ROBO4: variants seen among roughly 807,000 people sequenced by gnomAD.
The protein encoded by ROBO4 is roundabout guidance receptor 4, also known as roundabout homolog 4.
A neutral mutation model predicts 103.3 loss-of-function variants in ROBO4; 80 were observed. The ratio of observed to expected loss-of-function variants is 0.77; its 90% confidence interval spans 0.65 to 0.93. The LOEUF is 0.93. Among genes scored for constraint, ROBO4 ranks in the 40% least tolerant of loss-of-function variants. The pLI is 0.00. For synonymous variants in ROBO4, 504 were observed against 529.7 expected (o/e 0.95, Z 0.67); for missense variants, 1,333 against 1,305.3 (o/e 1.02, Z -0.33).
intron 10 of ROBO4, 115 bp downstream of exon 10, chr11:124,893,573 T>C: frequency 1.1e-6 from 1 of 894,120 alleles, no homozygotes; most frequent in Non-Finnish European, 1.9e-6. Flanking sequence ...GAGAGATTCA[T>C]GTACGACAGT....
At chr11:124,890,595 T>G (rs1288741051) in intron 12 of ROBO4, among the ~76,000 whole-genome samples, 1 of 152,220 alleles carries the variant, frequency 6.6e-6, no homozygotes, top group Non-Finnish European at 1.5e-5. Flanking sequence ...CCTCTTCCTG[T>G]CTGTAAAATT....
rs1455964069 is a variant in ROBO4 at position 124,894,374 on chromosome 11, G to C, written c.1150-5C>G. ...TGTGTTGCCCAGGCTCCAGACCTGAGGCACAAGCAGAGGTGAACAGCTTCC... is the reference window on the plus strand; with the variant it reads ...TGTGTTGCCCAGGCTCCAGACCTGACGCACAAGCAGAGGTGAACAGCTTCC... On this transcript the variant is annotated splice_region_variant and splice_polypyrimidine_tract_variant and intron_variant, in intron 7 of 17. Coordinates refer to ENST00000306534, the MANE Select transcript of ROBO4 (RefSeq NM_019055.6). The C allele has an allele frequency of 4.3e-6, 7 of 1,609,380 alleles. No homozygotes were observed. The highest frequency in any genetic ancestry group is 5.1e-6 in the Non-Finnish European group (6 of 1,178,474).
chr11:124,892,375 A>G (rs147133067), intron 10 of ROBO4: 6 of 258,418 alleles, frequency 2.3e-5, no homozygotes, highest in East Asian at 9.7e-5. Flanking sequence ...AAGACCTTCA[A>G]TGGCCCCTCA....
chr11:124,887,755 G>A lies in ROBO4; in HGVS notation c.2034C>T (p.Ser678=), dbSNP rs1946739468. The change falls in exon 13 of 18, where the codon TCC becomes TCT. Residue 678 remains serine, a synonymous_variant. Coordinates refer to ENST00000306534, the MANE Select transcript of ROBO4 (RefSeq NM_019055.6). ...LRACELGNRG[S]KNLSQSPGAV... ...CACCTGGGCTTTGGGAAAGGTTCTT[G>A]GAACCTCTATTTCCTAACTCACAGG... The A allele has an allele frequency of 1.9e-6, 3 of 1,613,998 alleles. No homozygotes were observed. The highest frequency in any genetic ancestry group is 2.2e-5 in the East Asian group (1 of 44,880).
intron 10 of ROBO4, chr11:124,892,450 C>G (rs1462070245): frequency 1.4e-5 from 3 of 211,640 alleles, no homozygotes; most frequent in East Asian, 1.2e-4. Flanking sequence ...TGGCTTCCAG[C>G]TCCCTAACTA....
In ROBO4 at chr11:124,891,760, A is replaced by G. The variant is rs1257657169; in HGVS notation, c.1590T>C (p.Arg530=). 6.2e-7 allele frequency: 1 copy of G among 1,614,178 alleles called. No homozygotes were observed. The highest frequency in any genetic ancestry group is 8.5e-7 in the Non-Finnish European group (1 of 1,180,020). The change falls in exon 11 of 18, where the codon CGT becomes CGC. Residue 530 remains arginine (R), a synonymous_variant. Coordinates refer to ENST00000306534, the MANE Select transcript of ROBO4 (RefSeq NM_019055.6). ...SDSQWLADTW[R]STSGSRDLSS... Reference sequence around the variant, plus strand: ...TCAGGTCCCGAGAGCCAGAGGTGGAACGCCAAGTGTCTGCCAACCACTGGG... The same window carrying G: ...TCAGGTCCCGAGAGCCAGAGGTGGAGCGCCAAGTGTCTGCCAACCACTGGG...
intron 4 of ROBO4, 131 bp downstream of exon 4, chr11:124,896,067 C>A: frequency 6.6e-7 from 1 of 1,520,152 alleles, no homozygotes; most frequent in Non-Finnish European, 8.9e-7. Flanking sequence ...CAGGGGGGAA[C>A]CTCCCGCTAC....
At chr11:124,895,263 G>T in intron 6 of ROBO4, 70 bp from the exon 7 acceptor site, 1 of 1,320,864 alleles carries the variant, frequency 7.6e-7, no homozygotes, top group Non-Finnish European at 1.1e-6. Flanking sequence ...GCTGGGCTGG[G>T]GGACACAGCG....
In ROBO4 at chr11:124,891,711, G is replaced by A. The variant is rs145116773; in HGVS notation, c.1639C>T (p.Arg547Trp). 442 of 1,614,122 alleles carry A rather than the reference G, an allele frequency of 2.7e-4. 1 individual carries two copies. In the East Asian group the frequency reaches 8.4e-3, roughly 31 times the overall value. ...GGGTCCCGGGCATCCGCCCCCAGCC[G>A]ACTGCTGAGGCTGCTGCTGCTGCTC... ...DLSSSSSLSSRLGADARDPLD... is the reference protein window; with the variant it reads ...DLSSSSSLSSWLGADARDPLD... The change falls in exon 11 of 18, where the codon CGG becomes TGG. Residue 547 changes from arginine to tryptophan, a missense_variant. Transcript: ENST00000306534.
intron 13 of ROBO4, 103 bp downstream of exon 13, chr11:124,887,630 G>T: frequency 1.3e-6 from 2 of 1,526,156 alleles, no homozygotes; most frequent in East Asian, 2.3e-5. Flanking sequence ...AGCCTCCTCA[G>T]GGAAAGGAGG....
chr11:124,891,857 C>G (rs998589616), intron 10 of ROBO4, 55 bp from the exon 11 acceptor site: 12 of 1,600,332 alleles, frequency 7.5e-6, no homozygotes, highest in African/African-American at 1.3e-5. Context: ...AAGTGAGAAC[C>G]TTTTTGGCCA....
chr11:124,896,438 G>A (rs949273679), intron 3 of ROBO4, 75 bp downstream of exon 3: 4 of 1,589,022 alleles, frequency 2.5e-6, no homozygotes, highest in East Asian at 2.2e-5. Context: ...GGGGCTGGAC[G>A]GCAGGTCAGT....
Position 124,891,521 on chromosome 11 carries a change from G to T in ROBO4, c.1726C>A (p.Pro576Thr). 6.2e-7 allele frequency: 1 copy of T among 1,614,196 alleles called. No individual in the cohort carries two copies. Among genetic ancestry groups the T allele is most frequent in the Middle Eastern group, 1.6e-4 (1 of 6,062 alleles). ...GAGCCATAAAAAGTGCTGGTGTCTG[G>T]AAGCAGGGGCACGCCGGGGCTTCGG... ...DSRSPGVPLL[P>T]DTSTFYGSLI... is the part of the protein sequence containing the mutation. Residue 576 changes from proline to threonine, a missense_variant, in exon 12 of 18, where the codon CCA (proline) becomes ACA (threonine). By Grantham distance (38) the Pro-to-Thr change is conservative (BLOSUM62 -1). Transcript: ENST00000306534.
Position 124,895,181 on chromosome 11 carries a change from GGGGCACT to G in ROBO4, c.1042_1048del (p.Ser348HisfsTer5). The G allele has an allele frequency of 1.2e-6, 2 of 1,613,744 alleles. No individual in the cohort carries two copies. The highest frequency in any genetic ancestry group is 2.2e-5 in the South Asian group (2 of 91,054). On this transcript the variant is annotated frameshift_variant, in exon 7 of 18. Transcript: ENST00000306534. LOFTEE classifies it high-confidence loss of function. Reference sequence around the variant, plus strand: ...AGGCTTTAGAGTCACTTCCTGAGGTGGGGCACTGGGCACTGGAGGGGTGGAAGAGAGA... The same window carrying G: ...AGGCTTTAGAGTCACTTCCTGAGGTGGGGCACTGGAGGGGTGGAAGAGAGA...
Position 124,896,262 on chromosome 11 carries a change from G to A in ROBO4, c.615C>T (p.Tyr205=), listed in dbSNP as rs774013906. 6.2e-7 allele frequency: 1 copy of A among 1,614,132 alleles called. No individual in the cohort carries two copies. The highest frequency in any genetic ancestry group is 8.5e-7 in the Non-Finnish European group (1 of 1,180,028). Residue 205 remains tyrosine (Y), a synonymous_variant, in exon 4 of 18, where the codon TAC becomes TAT. Transcript: ENST00000306534. ...ARAEKSDEGT[Y]MCVATNSAGH... is the part of the protein sequence containing the mutation. ...CTGCGCTGTTGGTGGCCACACACAT[G>A]TAGGTCCCTTCGTCACTCTTCTCTG...
chr11:124,886,874 G>A (rs1946722806), intron 15 of ROBO4, 52 bp from the exon 16 acceptor site: 7 of 1,530,104 alleles, frequency 4.6e-6, no homozygotes, highest in Non-Finnish European at 6.2e-6. Context: ...AATGAGGGTT[G>A]TAGTAACAGA....
At position 124,891,154 on chromosome 11, in the gene ROBO4, T is replaced by A. The variant is rs911394962; in HGVS notation, c.1948+145A>T. On this transcript the variant is annotated intron_variant, in intron 12 of 17. Coordinates refer to ENST00000306534, the MANE Select transcript of ROBO4 (RefSeq NM_019055.6). ...GTGCTCTGGTGGTAGGAGAAAGAGG[T>A]CTTGTGTCCACCTGGAGAGGAGAAT... The A allele has an allele frequency of 1.7e-5, 15 of 902,232 alleles. No homozygotes were observed. The Admixed American group carries it at 4.0e-4, about 24-fold the overall frequency. The allele number at this position is 902,232 out of a possible 1,614,324, so 55.9% of individuals were successfully genotyped here.
intron 11 of ROBO4, 39 bp downstream of exon 11, chr11:124,891,626 TG>T: frequency 6.2e-7 from 1 of 1,614,172 alleles, no homozygotes; most frequent in Non-Finnish European, 8.5e-7. Context: ...CTGAGATCAC[TG>T]CCCCCAGCTA....
chr11:124,895,469 G>A lies in ROBO4; in HGVS notation c.1024C>T (p.Leu342=). 6.2e-7 allele frequency: 1 copy of A among 1,609,822 alleles called. No individual in the cohort carries two copies. Residue 342 remains leucine, a synonymous_variant, in exon 6 of 18, where the codon CTG becomes TTG. Transcript: ENST00000306534. ...GPDSNVLLLR[L]PEKVPSAPPQ... ...ATCAGGCCCTGACCTTTTTCCGGCA[G>A]CCTCAGGAGCAGCACGTTGCTGTCA...
Sources: gnomAD v4.1 joint callset for allele counts (sites outside exome capture counted in the v4.1 genomes callset) on GRCh38, gnomAD v4.1.1 for gene constraint, MANE v1.5 for transcripts, NCBI Gene and HGNC (gene_info 2026-07-23, HGNC 2026-07-21) for gene names.